The following GRIA1 variants were observed in gnomAD, a reference collection of about 807,000 sequenced individuals.
GRIA1 encodes the protein glutamate ionotropic receptor AMPA type subunit 1.
GRIA1 carries 31 observed loss-of-function variants against 99.2 expected under a neutral mutation model. The ratio of observed to expected loss-of-function variants is 0.31; its 90% CI spans 0.23 to 0.42. The LOEUF is 0.42. Ranked by LOEUF, GRIA1 falls within the 10% of genes least tolerant of loss-of-function variation. The probability of loss-of-function intolerance (pLI) is 1.00; values close to 1 mark genes in which losing one functional copy is unlikely to be tolerated. For missense variants in GRIA1, 782 were observed against 1,157.5 expected (o/e 0.68, Z 4.71); for synonymous variants, 438 against 432.4 (o/e 1.01, Z -0.16).
intron 11 of GRIA1, among the ~76,000 whole-genome samples, chr5:153,732,908 A>C (rs1761139529): frequency 6.6e-6 from 1 of 151,216 alleles, no homozygotes; most frequent in Admixed American, 6.6e-5. Context: ...GCGTAGTACA[A>C]AATAAGAGTT....
intron 11 of GRIA1, among the ~76,000 whole-genome samples, chr5:153,760,000 T>C (rs1763074936): frequency 6.6e-6 from 1 of 152,042 alleles, no homozygotes; most frequent in Non-Finnish European, 1.5e-5. Flanking sequence ...TCAGCAACCT[T>C]TTATGACGAA....
At chr5:153,635,294 G>T (rs535474850) in intron 2 of GRIA1, among the ~76,000 whole-genome samples, 2 of 152,308 alleles carry the variant, frequency 1.3e-5, no homozygotes, top group African/African-American at 4.8e-5. Flanking sequence ...TGCGGTAGTG[G>T]TTCATTCGTG....
intron 7 of GRIA1, among the ~76,000 whole-genome samples, chr5:153,684,024 G>T (rs1044102246): frequency 6.6e-6 from 1 of 152,028 alleles, no homozygotes. Context: ...CCTGTGTTTC[G>T]GCGAACACTT....
At chr5:153,674,951 G>A (rs1756459333) in intron 6 of GRIA1, among the ~76,000 whole-genome samples, 1 of 152,086 alleles carries the variant, frequency 6.6e-6, no homozygotes, top group Non-Finnish European at 1.5e-5. Context: ...CAGGCTTCTT[G>A]TACCTTCTTG....
At chr5:153,560,980 A>G (rs559605669) in intron 2 of GRIA1, among the ~76,000 whole-genome samples, 3 of 152,286 alleles carry the variant, frequency 2.0e-5, no homozygotes, top group South Asian at 4.2e-4. Context: ...ACAAAGGAGC[A>G]GGGATTTTTT....
intron 3 of GRIA1, among the ~76,000 whole-genome samples, chr5:153,648,801 A>C (rs182475015): frequency 6.6e-6 from 1 of 152,218 alleles, no homozygotes; most frequent in Admixed American, 6.5e-5. Flanking sequence ...TAATCCATGC[A>C]AGATCAAAAT....
At chr5:153,493,326 G>C (rs1754097590) in intron 1 of GRIA1, among the ~76,000 whole-genome samples, 1 of 152,148 alleles carries the variant, frequency 6.6e-6, no homozygotes, top group African/African-American at 2.4e-5. Context: ...AAAAGCAAGA[G>C]TTTTTAGAGA....
chr5:153,609,502 C>T (rs1581322941), intron 2 of GRIA1, among the ~76,000 whole-genome samples: 1 of 151,922 alleles, frequency 6.6e-6, no homozygotes, highest in East Asian at 1.9e-4. Flanking sequence ...AGCTAGCCTC[C>T]TTCTCATTCA....
intron 13 of GRIA1, among the ~76,000 whole-genome samples, chr5:153,781,110 A>G (rs1764597548): frequency 6.6e-6 from 1 of 152,146 alleles, no homozygotes; most frequent in Admixed American, 6.5e-5. Context: ...ATGGCTTAAC[A>G]ATCATATCTA....
intron 7 of GRIA1, among the ~76,000 whole-genome samples, chr5:153,682,349 AG>A (rs1462098930): frequency 6.6e-6 from 1 of 152,204 alleles, no homozygotes; most frequent in Non-Finnish European, 1.5e-5. Flanking sequence ...CAATGAGGGC[AG>A]GGGAGAGCAG....
intron 2 of GRIA1, among the ~76,000 whole-genome samples, chr5:153,558,876 G>A (rs1760880745): frequency 6.6e-6 from 1 of 152,112 alleles, no homozygotes; most frequent in African/African-American, 2.4e-5. Flanking sequence ...CAAAAGGTTA[G>A]GCCCCACTGA....
intron 2 of GRIA1, among the ~76,000 whole-genome samples, chr5:153,570,503 TG>T (rs531315508): frequency 6.6e-5 from 10 of 152,220 alleles, no homozygotes; most frequent in Non-Finnish European, 1.0e-4. Flanking sequence ...GCTAGGCTTT[TG>T]AGGTGGCAAT....
chr5:153,651,242 C>A (rs2910258), intron 4 of GRIA1, among the ~76,000 whole-genome samples: 61,674 of 152,032 alleles, frequency 0.41, 13,207 homozygotes, highest in Non-Finnish European at 0.45. Flanking sequence ...CACCTTCTTA[C>A]CTGTTTTGAA....
intron 11 of GRIA1, among the ~76,000 whole-genome samples, chr5:153,742,239 A>G (rs567382597): frequency 6.6e-6 from 1 of 152,302 alleles, no homozygotes; most frequent in Non-Finnish European, 1.5e-5. Context: ...TGGGGAAGCA[A>G]GATAAGAAGA....
intron 2 of GRIA1, among the ~76,000 whole-genome samples, chr5:153,615,608 CAT>C (rs992108481): frequency 2.5e-4 from 38 of 152,314 alleles, no homozygotes; most frequent in African/African-American, 8.9e-4. Flanking sequence ...TGCACCTCTA[CAT>C]ACCAGCTTGG....
At chr5:153,668,406 A>G (rs759014357) in intron 5 of GRIA1, among the ~76,000 whole-genome samples, 8 of 152,142 alleles carry the variant, frequency 5.3e-5, no homozygotes. Flanking sequence ...ACATTTTTTA[A>G]TTGTTGGGAA....
At chr5:153,585,828 A>G (rs73285895) in intron 2 of GRIA1, among the ~76,000 whole-genome samples, 2,190 of 152,226 alleles carry the variant, frequency 0.014, 33 homozygotes, top group African/African-American at 0.045. Context: ...TCACCCATTA[A>G]GAGATAGTGA....
chr5:153,562,187 T>C (rs561050838), intron 2 of GRIA1, among the ~76,000 whole-genome samples: 4 of 152,218 alleles, frequency 2.6e-5, no homozygotes, highest in African/African-American at 9.6e-5. Context: ...GAAAGATGCA[T>C]TGGGGGATAA....
intron 15 of GRIA1, among the ~76,000 whole-genome samples, chr5:153,806,248 TTTTC>T (rs1766418120): frequency 6.6e-6 from 1 of 152,150 alleles, no homozygotes; most frequent in South Asian, 2.1e-4. Context: ...CCACTCTTTT[TTTTC>T]TTTATTTTTT....
Sources: allele counts gnomAD v4.1 joint callset (sites outside exome capture counted in the v4.1 genomes callset), GRCh38; gene constraint gnomAD v4.1.1; transcripts MANE v1.5; gene names NCBI Gene and HGNC (gene_info 2026-07-23, HGNC 2026-07-21).